DNAI4: variants seen among roughly 807,000 people sequenced by gnomAD.
The protein encoded by DNAI4 is WD repeat domain 78.
Under a neutral mutation model 105.8 loss-of-function variants are expected in DNAI4, and 85 were observed. That is an observed-to-expected ratio of 0.80 (90% CI 0.67 to 0.96). DNAI4 has a LOEUF of 0.96. Among genes scored for constraint, DNAI4 ranks in the 40% least tolerant of loss-of-function variants. DNAI4 has a pLI of 0.00. For missense variants in DNAI4, 1,014 were observed against 1,005.6 expected, an observed-to-expected ratio of 1.01 and a Z score of -0.11; for synonymous variants, 352 against 331.5, an observed-to-expected ratio of 1.06 and a Z score of -0.67.
intron 1 of DNAI4, among the ~76,000 whole-genome samples, chr1:66,909,543 C>T (rs1649506317): frequency 1.3e-5 from 2 of 151,570 alleles, no homozygotes; most frequent in African/African-American, 4.9e-5. Context: ...TTTTCCTCCT[C>T]CCTTTTCTGT....
At chr1:66,820,291 A>T (rs190956447) in intron 16 of DNAI4, among the ~76,000 whole-genome samples, 1 of 152,194 alleles carries the variant, frequency 6.6e-6, no homozygotes, top group Non-Finnish European at 1.5e-5. Flanking sequence ...AAGTAAAAAG[A>T]AAAACTAAAA....
At chr1:66,900,352 T>C (rs1169222624) in intron 2 of DNAI4, among the ~76,000 whole-genome samples, 1 of 152,058 alleles carries the variant, frequency 6.6e-6, no homozygotes, top group African/African-American at 2.4e-5. Context: ...CCACCTGCCT[T>C]GGCCTCCCAA....
intron 1 of DNAI4, chr1:66,919,191 C>A: frequency 7.6e-6 from 3 of 392,950 alleles, no homozygotes; most frequent in Non-Finnish European, 1.6e-5. Context: ...GGCTGTATCA[C>A]GGGTACACAT....
intron 4 of DNAI4, among the ~76,000 whole-genome samples, chr1:66,878,193 T>C (rs1039807996): frequency 6.6e-5 from 10 of 152,334 alleles, no homozygotes; most frequent in African/African-American, 2.4e-4. Flanking sequence ...TGTGTTACTA[T>C]GAACTCATGC....
intron 4 of DNAI4, among the ~76,000 whole-genome samples, chr1:66,889,329 G>A (rs1435294325): frequency 6.6e-6 from 1 of 152,062 alleles, no homozygotes; most frequent in Non-Finnish European, 1.5e-5. Context: ...TGGTGCTATT[G>A]CCCTTCTCCT....
At chr1:66,848,830 A>G (rs938958402) in intron 7 of DNAI4, among the ~76,000 whole-genome samples, 22 of 152,176 alleles carry the variant, frequency 1.4e-4, no homozygotes, top group African/African-American at 4.1e-4. Flanking sequence ...GAAAGAAAGA[A>G]AGCTTTTAGA....
intron 7 of DNAI4, among the ~76,000 whole-genome samples, chr1:66,857,932 T>C (rs1646537401): frequency 6.6e-6 from 1 of 152,102 alleles, no homozygotes; most frequent in South Asian, 2.1e-4. Flanking sequence ...AACAATTCCT[T>C]AAAAGGCACA....
At chr1:66,917,200 T>C (rs931116280) in intron 1 of DNAI4, among the ~76,000 whole-genome samples, 1 of 152,218 alleles carries the variant, frequency 6.6e-6, no homozygotes. Context: ...TCCAAAATGA[T>C]GGGAAACTCC....
At chr1:66,828,138 T>G (rs749411006) in intron 13 of DNAI4, 4 of 268,756 alleles carry the variant, frequency 1.5e-5, no homozygotes, top group African/African-American at 2.2e-5. Flanking sequence ...TTTGCTGGAA[T>G]CGGGGTAGCA....
At chr1:66,825,572 C>T (rs926512331) in intron 15 of DNAI4, among the ~76,000 whole-genome samples, 3 of 152,166 alleles carry the variant, frequency 2.0e-5, no homozygotes, top group Admixed American at 1.3e-4. Context: ...TCCTAGTCTT[C>T]GTCATCTAAA....
intron 6 of DNAI4, among the ~76,000 whole-genome samples, chr1:66,868,294 T>C (rs1386501598): frequency 6.6e-6 from 1 of 152,252 alleles, no homozygotes; most frequent in Admixed American, 6.5e-5. Flanking sequence ...TCATATTTTA[T>C]ATGACTTGGA....
At chr1:66,892,215 T>C (rs1242586882) in intron 3 of DNAI4, among the ~76,000 whole-genome samples, 6 of 152,220 alleles carry the variant, frequency 3.9e-5, no homozygotes, top group African/African-American at 7.2e-5. Flanking sequence ...ATGTAAAGTT[T>C]ATTGGAATAT....
chr1:66,876,171 G>A (rs1362169750), intron 4 of DNAI4, among the ~76,000 whole-genome samples: 1 of 151,964 alleles, frequency 6.6e-6, no homozygotes, highest in African/African-American at 2.4e-5. Context: ...GACAAAATGA[G>A]TAAAGAAGTA....
At chr1:66,839,183 G>T (rs1167002264) in intron 9 of DNAI4, among the ~76,000 whole-genome samples, 1 of 152,082 alleles carries the variant, frequency 6.6e-6, no homozygotes, top group Non-Finnish European at 1.5e-5. Flanking sequence ...TGTAATCCCA[G>T]CACTTTGGGA....
intron 5 of DNAI4, among the ~76,000 whole-genome samples, chr1:66,874,423 C>G (rs1208173394): frequency 6.6e-6 from 1 of 151,904 alleles, no homozygotes; most frequent in Non-Finnish European, 1.5e-5. Context: ...TCATTTCTTT[C>G]TTTTTAAATT....
In DNAI4 at chr1:66,923,582, C is replaced by A. The variant is rs1650744796; in HGVS notation, c.170+1080G>T. Among the ~76,000 whole-genome samples the A allele has an allele frequency of 2.0e-5, 3 of 152,180 alleles. No individual in the cohort carries two copies. In the South Asian group the frequency reaches 6.2e-4, roughly 32 times the overall value. On this transcript the variant is annotated intron_variant, in intron 1 of 16. Coordinates refer to ENST00000371026, the MANE Select transcript of DNAI4 (RefSeq NM_024763.5). ...TAAACCCGACCGACACTGCTTCATT[C>A]AAAAAGAATGAAACTGTGGATCAGC...
At chr1:66,850,940 A>C (rs1004960898) in intron 7 of DNAI4, among the ~76,000 whole-genome samples, 2 of 152,030 alleles carry the variant, frequency 1.3e-5, no homozygotes, top group South Asian at 2.1e-4. Flanking sequence ...GTGAAATATA[A>C]GATAGATAAG....
intron 6 of DNAI4, among the ~76,000 whole-genome samples, chr1:66,869,869 A>C (rs528141564): frequency 6.6e-6 from 1 of 152,288 alleles, no homozygotes; most frequent in African/African-American, 2.4e-5. Flanking sequence ...GAATAACCGT[A>C]CATCCCCATG....
At position 66,822,418 on chromosome 1, in the gene DNAI4, A is replaced by G. The variant is rs1645649967; in HGVS notation, c.2439T>C (p.Asp813=). 5 of 1,613,652 alleles carry G rather than the reference A, an allele frequency of 3.1e-6. No homozygotes were observed. The highest frequency in any genetic ancestry group is 3.4e-6 in the Non-Finnish European group (4 of 1,179,822). ...QTDCLLVGDS[D]GQVSVYELRN... ...TCAGTTCATACACAGAAACCTGTCC[A>G]TCACTGTCTCCTACCAGAAGGCAAT... is the stretch of plus-strand genomic sequence containing the variant. The change falls in exon 16 of 17, where the codon GAT becomes GAC. Residue 813 remains aspartate (D), a synonymous_variant. Transcript: ENST00000371026.
Sources: gnomAD v4.1 joint callset for allele counts (sites outside exome capture counted in the v4.1 genomes callset) on GRCh38, gnomAD v4.1.1 for gene constraint, MANE v1.5 for transcripts, NCBI Gene and HGNC (gene_info 2026-07-23, HGNC 2026-07-21) for gene names.